Variants in PLBD1 observed in about 807,000 individuals in gnomAD.
PLBD1 encodes the protein lysosomal leucine aminopeptidase.
A neutral mutation model predicts 63.0 loss-of-function variants in PLBD1; 60 were observed. The ratio of observed to expected loss-of-function variants is 0.95; its 90% CI spans 0.77 to 1.18. The LOEUF (loss-of-function observed/expected upper bound fraction) is 1.18, where lower values mean the gene tolerates loss of function less well. Among genes scored for constraint, PLBD1 ranks in the 50% most tolerant of loss-of-function variants. PLBD1 has a pLI of 0.00. For missense variants in PLBD1, 598 were observed against 677.9 expected (o/e 0.88, Z 1.31); for synonymous variants, 262 against 248.0 (o/e 1.06, Z -0.53).
At chr12:14,533,449 G>A (rs1945483608) in intron 6 of PLBD1, among the ~76,000 whole-genome samples, 1 of 152,140 alleles carries the variant, frequency 6.6e-6, no homozygotes, top group African/African-American at 2.4e-5. Flanking sequence ...TCATCTGGAA[G>A]GATACATATG....
chr12:14,553,465 AT>A (rs1945676884), intron 1 of PLBD1, 53 bp from the exon 2 acceptor site: 17 of 1,380,498 alleles, frequency 1.2e-5, no homozygotes, highest in Middle Eastern at 3.6e-4. Context: ...GTTGTGATGC[AT>A]TTTTTTCCTA....
intron 1 of PLBD1, among the ~76,000 whole-genome samples, chr12:14,563,020 T>C (rs1945753670): frequency 6.6e-6 from 1 of 152,180 alleles, no homozygotes; most frequent in Admixed American, 6.5e-5. Flanking sequence ...AAAAAAATTG[T>C]TTTACTTCAA....
intron 1 of PLBD1, among the ~76,000 whole-genome samples, chr12:14,561,248 T>C (rs1393299977): frequency 6.6e-6 from 1 of 151,514 alleles, no homozygotes; most frequent in Non-Finnish European, 1.5e-5. Context: ...TGCCGGAGAT[T>C]TGCTTAGATC....
At chr12:14,536,769 T>C in intron 4 of PLBD1, 59 bp from the exon 5 acceptor site, 1 of 1,591,324 alleles carries the variant, frequency 6.3e-7, no homozygotes, top group Non-Finnish European at 8.6e-7. Context: ...ATTTCCTGTT[T>C]TCCTCTTGTT....
intron 2 of PLBD1, among the ~76,000 whole-genome samples, chr12:14,545,971 G>C (rs1388133908): frequency 6.6e-6 from 1 of 152,112 alleles, no homozygotes; most frequent in East Asian, 1.9e-4. Flanking sequence ...AATAAAGCTA[G>C]ACAAGTGTGT....
chr12:14,541,072 A>G (rs1945567578), intron 3 of PLBD1, among the ~76,000 whole-genome samples, 170 bp from the exon 4 acceptor site: 1 of 152,146 alleles, frequency 6.6e-6, no homozygotes, highest in Non-Finnish European at 1.5e-5. Flanking sequence ...ATTCTAACTG[A>G]TTTTTAATTT....
At chr12:14,525,713 A>G (rs28803492) in intron 6 of PLBD1, among the ~76,000 whole-genome samples, 2 of 25,320 alleles carry the variant, frequency 7.9e-5, no homozygotes, top group Admixed American at 5.8e-4. Context: ...ACACACACAC[A>G]CGCACACACA....
At chr12:14,551,356 A>C (rs1373638847) in intron 2 of PLBD1, among the ~76,000 whole-genome samples, 1 of 152,162 alleles carries the variant, frequency 6.6e-6, no homozygotes, top group Non-Finnish European at 1.5e-5. Context: ...GAGAGACTCT[A>C]ACTCAAAACA....
In PLBD1 at chr12:14,541,666, G is replaced by A. The variant is rs530108789; in HGVS notation, c.419+542C>T. Among the ~76,000 whole-genome samples, 8 of 152,280 alleles carry A rather than the reference G, an allele frequency of 5.3e-5. No homozygotes were observed. In the East Asian group the frequency reaches 9.7e-4, roughly 18 times the overall value. ...GAGGTTGCTTAGAGTGCAGTTTGGA[G>A]GGCCAACCCAAGAGCCTTTCTGTCC... On this transcript the variant is annotated intron_variant, in intron 3 of 10. Transcript: ENST00000240617.
chr12:14,559,220 AGCGCGGACTGTTTCT>A (rs1193900723), intron 1 of PLBD1, among the ~76,000 whole-genome samples: 1 of 152,264 alleles, frequency 6.6e-6, no homozygotes, highest in Non-Finnish European at 1.5e-5. Flanking sequence ...GCTCTGTGAA[AGCGCGGACTGTTTCT>A]GCTTAACACT....
rs750604425 is a variant in PLBD1 at position 14,540,829 on chromosome 12, C to T, written c.493G>A (p.Val165Met). 3.1e-6 allele frequency: 5 copies of T among 1,611,426 alleles called. No homozygotes were observed. Among genetic ancestry groups the T allele is most frequent in the African/African-American group, 1.3e-5 (1 of 75,020 alleles). ...TAGAGGCCATCTATTTGTGCCATCA[C>T]ATAGCCTGTATGTCTCCAAAATGAA... Reference protein sequence around the residue: ...TDSFWRHTGYVMAQIDGLYVG... With the variant: ...TDSFWRHTGYMMAQIDGLYVG... The change falls in exon 4 of 11, where the codon GTG becomes ATG. Residue 165 changes from valine to methionine, a missense_variant. Coordinates refer to ENST00000240617, the MANE Select transcript of PLBD1 (RefSeq NM_024829.6).
rs141126580 is a variant in PLBD1, at chr12:14,505,482, T to C, written c.1479+680A>G. Among the ~76,000 whole-genome samples, 74 of 152,302 alleles carry C rather than the reference T, an allele frequency of 4.9e-4. 1 individual carries two copies. In the East Asian group the frequency reaches 0.014, roughly 29 times the overall value. On this transcript the variant is annotated intron_variant, in intron 10 of 10. Coordinates refer to ENST00000240617, the MANE Select transcript of PLBD1 (RefSeq NM_024829.6). ...GGTAAATTTTTAACAACAATCTTTC[T>C]TTGTGAGGAAAAAAGTTCCTGATTT...
intron 2 of PLBD1, among the ~76,000 whole-genome samples, chr12:14,544,801 CT>C (rs1945604486): frequency 6.6e-6 from 1 of 152,048 alleles, no homozygotes; most frequent in African/African-American, 2.4e-5. Context: ...AAAAAATCAT[CT>C]TCTTACTTCT....
At chr12:14,519,161 C>T (rs557802114) in intron 6 of PLBD1, among the ~76,000 whole-genome samples, 3 of 152,252 alleles carry the variant, frequency 2.0e-5, no homozygotes, top group African/African-American at 4.8e-5. Flanking sequence ...TTCCTAAACC[C>T]GTGATATGGA....
At chr12:14,505,521 A>G (rs557940527) in intron 10 of PLBD1, among the ~76,000 whole-genome samples, 97 of 152,322 alleles carry the variant, frequency 6.4e-4, no homozygotes, top group African/African-American at 2.3e-3. Flanking sequence ...TAATGTAAAT[A>G]CTTTCACTGA....
In PLBD1 at chr12:14,530,832, G is replaced by C. The variant is rs576817570; in HGVS notation, c.844+4827C>G. The stretch of plus-strand genomic sequence containing the variant: ...ATTGCCAAAATAAGTAAATGTGTGG[G>C]GAGGGCTAGTGCAAGGCTTCTCCAT... On this transcript the variant is annotated intron_variant, in intron 6 of 10. Transcript: ENST00000240617. 7.7e-3 allele frequency among the ~76,000 whole-genome samples: 1,170 copies of C among 152,316 alleles called. 9 individuals are homozygous for C. Among genetic ancestry groups the C allele is most frequent in the Middle Eastern group, 0.024 (7 of 294 alleles).
Position 14,553,301 on chromosome 12 carries a change from GT to G in PLBD1, c.226del (p.Thr76ProfsTer18). 1 of 1,614,122 alleles carries G rather than the reference GT, an allele frequency of 6.2e-7. No individual in the cohort carries two copies. The highest frequency in any genetic ancestry group is 8.5e-7 in the Non-Finnish European group (1 of 1,180,010). ...AYGFYNNSVK[T>X]TGWGILEIRA... ...GATCTCCAGGATGCCCCAGCCTGTG[GT>G]TTTCACAGAGTTATTGTAAAAGCCA... On this transcript the variant is annotated frameshift_variant, in exon 2 of 11. Transcript: ENST00000240617. LOFTEE classifies it high-confidence loss of function.
intron 10 of PLBD1, 102 bp from the exon 11 acceptor site, chr12:14,504,056 G>A: frequency 1.7e-6 from 2 of 1,177,470 alleles, no homozygotes; most frequent in Non-Finnish European, 2.4e-6. Flanking sequence ...CACAATATTA[G>A]CTTTTTTTTT....
chr12:14,544,040 T>TGCTTGCTGATGATCAGCAATAA, intron 2 of PLBD1, among the ~76,000 whole-genome samples: 1 of 152,252 alleles, frequency 6.6e-6, no homozygotes, highest in Non-Finnish European at 1.5e-5. Flanking sequence ...ATCAGCAATA[T>TGCTTGCTGATGATCAGCAATAA]GCTTCCTGCT....
Sources: allele counts gnomAD v4.1 joint callset (sites outside exome capture counted in the v4.1 genomes callset), GRCh38; gene constraint gnomAD v4.1.1; transcripts MANE v1.5; gene names NCBI Gene and HGNC (gene_info 2026-07-23, HGNC 2026-07-21).